SEMA6D: variants seen among roughly 807,000 people sequenced by gnomAD.
The protein encoded by SEMA6D is semaphorin-6D.
SEMA6D carries 35 observed loss-of-function variants against 106.6 expected under a neutral mutation model. That is an observed-to-expected ratio of 0.33 (90% CI 0.25 to 0.44). The LOEUF (loss-of-function observed/expected upper bound fraction) is 0.44. Ranked by LOEUF, SEMA6D falls within the 20% of genes least tolerant of loss-of-function variation. The probability of loss-of-function intolerance (pLI) is 1.00; values close to 1 mark genes in which losing one functional copy is unlikely to be tolerated. For synonymous variants in SEMA6D, 499 were observed against 487.7 expected, an observed-to-expected ratio of 1.02 and a Z score of -0.31; for missense variants, 1,185 against 1,345.9, an observed-to-expected ratio of 0.88 and a Z score of 1.87.
In SEMA6D at chr15:47,471,236, T is replaced by G. The variant is rs539108324; in HGVS notation, c.-87+691T>G. Among the ~76,000 whole-genome samples the G allele has an allele frequency of 6.6e-5, 10 of 152,294 alleles. No individual in the cohort carries two copies. In the East Asian group the frequency reaches 1.9e-3, roughly 29 times the overall value. On this transcript the variant is annotated intron_variant, in intron 3 of 19. Coordinates refer to the SEMA6D transcript ENST00000558014. Reference sequence around the variant, plus strand: ...ATTGTGACTTTGCTTTTATAGACTCTGAGACACTGACGCACTGTCCTAGTC... The same window carrying G: ...ATTGTGACTTTGCTTTTATAGACTCGGAGACACTGACGCACTGTCCTAGTC...
intron 1 of SEMA6D, among the ~76,000 whole-genome samples, chr15:47,717,926 C>G (rs557571338): frequency 6.6e-6 from 1 of 150,944 alleles, no homozygotes; most frequent in African/African-American, 2.5e-5. Context: ...TCTCTGCCTG[C>G]CGTGCAAGGG....
chr15:47,573,805 C>T (rs1242308726), intron 3 of SEMA6D, among the ~76,000 whole-genome samples: 3 of 152,214 alleles, frequency 2.0e-5, no homozygotes, highest in Non-Finnish European at 4.4e-5. Context: ...TATTTTTCAT[C>T]TGTCCCAGCT....
At chr15:47,508,305 C>T (rs767088404) in intron 3 of SEMA6D, among the ~76,000 whole-genome samples, 12 of 152,280 alleles carry the variant, frequency 7.9e-5, no homozygotes, top group African/African-American at 2.9e-4. Context: ...TATAAAAGCC[C>T]TCTGTACACT....
intron 1 of SEMA6D, among the ~76,000 whole-genome samples, chr15:47,322,404 G>A (rs1003433453): frequency 6.7e-6 from 1 of 150,020 alleles, no homozygotes; most frequent in African/African-American, 2.5e-5. Context: ...TGTCTTTTAT[G>A]ATCTTGATAC....
chr15:47,771,791 A>G lies in SEMA6D; in HGVS notation c.*6A>G, dbSNP rs368788524. 252 of 1,608,538 alleles carry G rather than the reference A, an allele frequency of 1.6e-4. 2 individuals carry two copies. The highest frequency in any genetic ancestry group is 5.5e-4 in the Admixed American group (33 of 59,846). ...TGAACAAATACACATACTAGGCCTC[A>G]AGTGTGCTATTCCCATGTGGCTTTA... On this transcript the variant is annotated 3_prime_UTR_variant, in exon 19 of 19. Transcript: ENST00000536845.
chr15:47,460,562 A>G (rs2042475976), intron 2 of SEMA6D, among the ~76,000 whole-genome samples: 1 of 152,118 alleles, frequency 6.6e-6, no homozygotes. Context: ...GTGTATAAGA[A>G]GGAAGAAAGA....
intron 2 of SEMA6D, among the ~76,000 whole-genome samples, chr15:47,461,847 G>A (rs915510248): frequency 3.3e-5 from 5 of 151,944 alleles, no homozygotes; most frequent in African/African-American, 1.2e-4. Flanking sequence ...GAATGTATAT[G>A]TTTCTGCTTG....
At chr15:47,335,435 A>T (rs1258499453) in intron 1 of SEMA6D, among the ~76,000 whole-genome samples, 1 of 152,124 alleles carries the variant, frequency 6.6e-6, no homozygotes, top group Non-Finnish European at 1.5e-5. Context: ...TTACAGTGAG[A>T]GGAGGGACTG....
chr15:47,691,215 C>T (rs1416664727), intron 4 of SEMA6D, among the ~76,000 whole-genome samples: 1 of 152,106 alleles, frequency 6.6e-6, no homozygotes, highest in Non-Finnish European at 1.5e-5. Flanking sequence ...TACTATTTTT[C>T]CCTTTGAAAC....
intron 3 of SEMA6D, among the ~76,000 whole-genome samples, chr15:47,540,817 G>A (rs183532195): frequency 1.3e-5 from 2 of 152,292 alleles, no homozygotes; most frequent in East Asian, 1.9e-4. Context: ...AGGAAAAATA[G>A]AGTGTCCCAG....
chr15:47,586,491 T>A (rs2076342210), intron 3 of SEMA6D, among the ~76,000 whole-genome samples: 1 of 152,230 alleles, frequency 6.6e-6, no homozygotes, highest in South Asian at 2.1e-4. Context: ...TAACTTTTTA[T>A]CTACTTCTCA....
intron 1 of SEMA6D, among the ~76,000 whole-genome samples, chr15:47,280,462 T>A (rs1451573190): frequency 6.8e-6 from 1 of 148,094 alleles, no homozygotes; most frequent in Non-Finnish European, 1.5e-5. Flanking sequence ...ATTTTGTTGA[T>A]CCTTTCAAAA....
intron 1 of SEMA6D, among the ~76,000 whole-genome samples, chr15:47,252,329 A>G (rs561047774): frequency 2.6e-5 from 4 of 152,172 alleles, no homozygotes; most frequent in Non-Finnish European, 5.9e-5. Context: ...ACATGTGGAC[A>G]TTGTAAAGTA....
intron 1 of SEMA6D, among the ~76,000 whole-genome samples, chr15:47,248,434 AAGCCCAATT>A (rs1445268103): frequency 1.3e-5 from 2 of 152,276 alleles, no homozygotes; most frequent in Non-Finnish European, 2.9e-5. Flanking sequence ...GTCCTACAGA[AAGCCCAATT>A]TACCCCAAAG....
chr15:47,281,540 T>C (rs1250480958), intron 1 of SEMA6D, among the ~76,000 whole-genome samples: 1 of 151,722 alleles, frequency 6.6e-6, no homozygotes, highest in Non-Finnish European at 1.5e-5. Context: ...TTAAAGTTAA[T>C]ATTGTTATGT....
chr15:47,339,810 C>T (rs1348648459), intron 1 of SEMA6D, among the ~76,000 whole-genome samples: 2 of 151,708 alleles, frequency 1.3e-5, no homozygotes, highest in Non-Finnish European at 2.9e-5. Context: ...AGTGAGCTAT[C>T]ATGCCAATGA....
chr15:47,628,596 T>G (rs1010687093), intron 4 of SEMA6D, among the ~76,000 whole-genome samples: 1 of 152,134 alleles, frequency 6.6e-6, no homozygotes, highest in Non-Finnish European at 1.5e-5. Flanking sequence ...TGGGATTGTT[T>G]GCTTTTGACA....
intron 4 of SEMA6D, among the ~76,000 whole-genome samples, chr15:47,616,115 C>T (rs185098757): frequency 2.6e-5 from 4 of 152,100 alleles, no homozygotes; most frequent in East Asian, 3.9e-4. Context: ...CGATCTCTCA[C>T]CCTCTTTCAT....
At chr15:47,335,156 G>C (rs34675055) in intron 1 of SEMA6D, among the ~76,000 whole-genome samples, 30,332 of 152,002 alleles carry the variant, frequency 0.2, 3,653 homozygotes, top group African/African-American at 0.33. Context: ...ATTGAAACTA[G>C]AGGGTATAGT....
Sources: gnomAD v4.1 joint callset for allele counts (sites outside exome capture counted in the v4.1 genomes callset) on GRCh38, gnomAD v4.1.1 for gene constraint, MANE v1.5 for transcripts, NCBI Gene and HGNC (gene_info 2026-07-23, HGNC 2026-07-21) for gene names.